Variants in GLE1 observed in about 807,000 individuals in gnomAD.
The protein encoded by GLE1 is GLE1 RNA export mediator.
Under a neutral mutation model 97.3 loss-of-function variants are expected in GLE1, and 78 were observed. The observed-to-expected ratio is 0.80, with a 90% CI of 0.67 to 0.97. GLE1 has a LOEUF of 0.97. GLE1 is among the 50% of genes least tolerant of loss of function. The pLI, the probability that GLE1 is intolerant of heterozygous loss-of-function variation, is 0.00. For missense variants in GLE1, 753 were observed against 857.5 expected (o/e 0.88, Z 1.52); for synonymous variants, 302 against 313.4 (o/e 0.96, Z 0.39).
chr9:128,512,212 A>G (rs1846845899), intron 2 of GLE1, among the ~76,000 whole-genome samples: 1 of 152,158 alleles, frequency 6.6e-6, no homozygotes, highest in Non-Finnish European at 1.5e-5. Flanking sequence ...GAGGCTATAA[A>G]TATAGGTGTG....
At chr9:128,514,501 C>A (rs1418760822) in intron 2 of GLE1, among the ~76,000 whole-genome samples, 3 of 140,258 alleles carry the variant, frequency 2.1e-5, no homozygotes, top group Non-Finnish European at 3.0e-5. Context: ...AGAGTGCAGT[C>A]GTACGATCTC....
At chr9:128,505,455 C>T (rs1384182692) in intron 1 of GLE1, among the ~76,000 whole-genome samples, 1 of 152,152 alleles carries the variant, frequency 6.6e-6, no homozygotes, top group South Asian at 2.1e-4. Flanking sequence ...ACAGATAAGG[C>T]GTTGTCCTGC....
intron 3 of GLE1, among the ~76,000 whole-genome samples, chr9:128,520,322 A>ATATGTGTG (rs1847108677): frequency 6.8e-6 from 1 of 147,638 alleles, no homozygotes; most frequent in Non-Finnish European, 1.5e-5. Flanking sequence ...GTATATATGT[A>ATATGTGTG]TATGTGTGTA....
At chr9:128,506,357 G>T (rs1180857112) in intron 1 of GLE1, among the ~76,000 whole-genome samples, 4 of 151,984 alleles carry the variant, frequency 2.6e-5, no homozygotes, top group Non-Finnish European at 4.4e-5. Flanking sequence ...AAAAAAAAAT[G>T]TAGCCTTGTA....
At chr9:128,513,523 C>G (rs2132421779) in intron 2 of GLE1, among the ~76,000 whole-genome samples, 1 of 151,968 alleles carries the variant, frequency 6.6e-6, no homozygotes, top group Non-Finnish European at 1.5e-5. Flanking sequence ...TCGAGACTAG[C>G]CTGCGCAACA....
chr9:128,539,726 G>A (rs1847831782), intron 14 of GLE1, 28 bp downstream of exon 14: 1 of 1,613,884 alleles, frequency 6.2e-7, no homozygotes, highest in Non-Finnish European at 8.5e-7. Context: ...CAGACAGCAG[G>A]GGATTAAGTA....
At chr9:128,521,110 C>T (rs1463879855) in intron 3 of GLE1, among the ~76,000 whole-genome samples, 2 of 152,162 alleles carry the variant, frequency 1.3e-5, no homozygotes, top group Non-Finnish European at 2.9e-5. Flanking sequence ...TTTTTCCCTG[C>T]TGGTGACATC....
rs145763667 is a variant in GLE1, at chr9:128,517,215, G to A, written c.432+1576G>A. Among the ~76,000 whole-genome samples the A allele has an allele frequency of 9.6e-3, 1,456 of 152,044 alleles. 30 individuals are homozygous for A. The highest frequency in any genetic ancestry group is 0.071 in the East Asian group (366 of 5,148). The stretch of plus-strand genomic sequence containing the variant: ...TGAGGCAGGAGAATCACTTGAACCC[G>A]GGAGGCAGAGGTGGCAGTGAGCCAA... On this transcript the variant is annotated intron_variant, in intron 3 of 15. Transcript: ENST00000309971.
Position 128,533,591 on chromosome 9 carries a change from T to C in GLE1, c.1391T>C (p.Val464Ala), listed in dbSNP as rs150089743. 3.1e-6 allele frequency: 5 copies of C among 1,614,086 alleles called. No homozygotes were observed. The highest frequency in any genetic ancestry group is 4.2e-6 in the Non-Finnish European group (5 of 1,179,904). The change falls in exon 10 of 16, where the codon GTG (valine) becomes GCG (alanine). Residue 464 changes from valine (V) to alanine (A), a missense_variant. Transcript: ENST00000309971. ...GKPVQSGGRS[V>A]SVTLNPQGLD... is the part of the protein sequence containing the mutation. ...CCTGTTCAATCTGGTGGGCGCTCTG[T>C]GTCTGTCACACTTAACCCACAGGGG...
At chr9:128,512,151 A>T (rs1846843914) in intron 2 of GLE1, among the ~76,000 whole-genome samples, 1 of 152,150 alleles carries the variant, frequency 6.6e-6, no homozygotes. Flanking sequence ...AATTAGCAGA[A>T]CTGTAGAGAA....
intron 3 of GLE1, among the ~76,000 whole-genome samples, chr9:128,519,116 T>G (rs1221725310): frequency 1.3e-5 from 2 of 152,230 alleles, no homozygotes; most frequent in Non-Finnish European, 2.9e-5. Context: ...GTCTTTACTT[T>G]AATCTCTTAA....
intron 3 of GLE1, among the ~76,000 whole-genome samples, chr9:128,520,982 G>A (rs1437863622): frequency 4.0e-5 from 6 of 151,860 alleles, no homozygotes; most frequent in Non-Finnish European, 7.4e-5. Flanking sequence ...GGCTGGTCTC[G>A]AACTCCTGGG....
At chr9:128,526,484 G>A (rs982016460) in intron 7 of GLE1, among the ~76,000 whole-genome samples, 1 of 152,042 alleles carries the variant, frequency 6.6e-6, no homozygotes, top group African/African-American at 2.4e-5. Context: ...AGCCTCCTGA[G>A]TAGCTGAGAT....
chr9:128,512,317 C>T (rs1195221800), intron 2 of GLE1, among the ~76,000 whole-genome samples: 1 of 152,144 alleles, frequency 6.6e-6, no homozygotes, highest in Non-Finnish European at 1.5e-5. Flanking sequence ...TAGAACTATA[C>T]ATAAGCACAA....
intron 8 of GLE1, 78 bp downstream of exon 8, chr9:128,527,369 T>C: frequency 7.8e-7 from 1 of 1,275,988 alleles, no homozygotes; most frequent in Non-Finnish European, 1.1e-6. Flanking sequence ...CCCAAAGGAA[T>C]GTAGCTGGCA....
chr9:128,527,296 G>A lies in GLE1; in HGVS notation c.1242+5G>A. On this transcript the variant is annotated splice_donor_5th_base_variant and intron_variant, in intron 8 of 15. Coordinates refer to ENST00000309971, the MANE Select transcript of GLE1 (RefSeq NM_001003722.2). The stretch of plus-strand genomic sequence containing the variant: ...ACCAACAGCAAGGACAGTCAGGTAG[G>A]GGAGAGGTATATGGCAGTAATTTTG... 1 of 1,533,958 alleles carries A rather than the reference G, an allele frequency of 6.5e-7. No individual in the cohort carries two copies. Among genetic ancestry groups the A allele is most frequent in the Non-Finnish European group, 9.0e-7 (1 of 1,106,794 alleles).
At chr9:128,511,732 A>G (rs935723118) in intron 2 of GLE1, among the ~76,000 whole-genome samples, 1 of 151,928 alleles carries the variant, frequency 6.6e-6, no homozygotes, top group African/African-American at 2.4e-5. Context: ...TAACGTGATC[A>G]TGGACTTAAA....
In GLE1 at chr9:128,527,289, C is replaced by G; in HGVS notation, c.1240C>G (p.Gln414Glu). 1.9e-6 allele frequency: 3 copies of G among 1,558,578 alleles called. No homozygotes were observed. The highest frequency in any genetic ancestry group is 2.7e-6 in the Non-Finnish European group (3 of 1,129,270). Residue 414 changes from glutamine to glutamate, a missense_variant and splice_region_variant, in exon 8 of 16, where the codon CAG becomes GAG. By Grantham distance (29) the Gln-to-Glu change is conservative. Coordinates refer to ENST00000309971, the MANE Select transcript of GLE1 (RefSeq NM_001003722.2). ...GGGCCTGACCAACAGCAAGGACAGT[C>G]AGGTAGGGGAGAGGTATATGGCAGT... ...FEGLTNSKDS[Q>E]AKKIKMDLQK...
Position 128,533,853 on chromosome 9 carries a change from G to T in GLE1, c.1548G>T (p.Val516=), listed in dbSNP as rs767058857. Residue 516 remains valine (V), a synonymous_variant, in exon 11 of 16, where the codon GTG becomes GTT. Transcript: ENST00000309971. ...GGATCTGGGAGCTCCACCCCAGAGT[G>T]GGGGACCTCATTCTTGCTCATCTAC... ...ASGIWELHPR[V]GDLILAHLHK... 3.1e-6 allele frequency: 5 copies of T among 1,612,196 alleles called. No individual in the cohort carries two copies. Among genetic ancestry groups the T allele is most frequent in the African/African-American group, 1.3e-5 (1 of 74,856 alleles).
Sources: allele counts gnomAD v4.1 joint callset (sites outside exome capture counted in the v4.1 genomes callset), GRCh38; gene constraint gnomAD v4.1.1; transcripts MANE v1.5; gene names NCBI Gene and HGNC (gene_info 2026-07-23, HGNC 2026-07-21).